TRMT11: variants seen among roughly 807,000 people sequenced by gnomAD.
The protein encoded by TRMT11 is tRNA (guanine(10)-N(2))-methyltransferase TRMT11.
In TRMT11, 53 loss-of-function variants were observed where a neutral mutation model predicts 62.8. The ratio of observed to expected loss-of-function variants is 0.84; its 90% CI spans 0.68 to 1.06. TRMT11 has a LOEUF of 1.06. TRMT11 is among the 50% of genes least tolerant of loss of function. The pLI, the probability that TRMT11 is intolerant of heterozygous loss-of-function variation, is 0.00. For missense variants in TRMT11, 556 were observed against 553.4 expected, an observed-to-expected ratio of 1.00 and a Z score of -0.05; for synonymous variants, 188 against 190.3, an observed-to-expected ratio of 0.99 and a Z score of 0.10.
chr6:126,045,908 G>GT (rs1395317432), intron 16 of TRMT11, among the ~76,000 whole-genome samples: 2 of 151,832 alleles, frequency 1.3e-5, no homozygotes, highest in East Asian at 1.9e-4. Context: ...ATAAAGGATT[G>GT]TTTTTTTTCC....
the TRMT11 span, among the ~76,000 whole-genome samples, chr6:126,268,216 T>C: frequency 6.6e-6 from 1 of 152,138 alleles, no homozygotes; most frequent in Admixed American, 6.5e-5. Context: ...AGAAGAGAGC[T>C]ATCGCCTGGG....
intron 2 of TRMT11, among the ~76,000 whole-genome samples, chr6:126,199,214 T>C (rs1258499751): frequency 6.6e-6 from 1 of 152,192 alleles, no homozygotes; most frequent in Non-Finnish European, 1.5e-5. Context: ...ACTTCTAATA[T>C]GCTCGCAGAA....
intron 21 of TRMT11, among the ~76,000 whole-genome samples, chr6:126,119,251 A>G: frequency 6.6e-6 from 1 of 152,098 alleles, no homozygotes; most frequent in East Asian, 1.9e-4. Flanking sequence ...AGCAGGTCCA[A>G]TTTTCCTTAA....
chr6:126,176,991 T>G (rs1778393665), upstream of TRMT11, among the ~76,000 whole-genome samples: 1 of 151,414 alleles, frequency 6.6e-6, no homozygotes, highest in Non-Finnish European at 1.5e-5. Context: ...TACCTAGACT[T>G]CAACAGATGT....
chr6:126,153,632 G>C (rs992193119), intron 21 of TRMT11, among the ~76,000 whole-genome samples: 5 of 152,148 alleles, frequency 3.3e-5, no homozygotes, highest in African/African-American at 1.2e-4. Flanking sequence ...TTATTTAGCT[G>C]GGTTAATCTC....
intron 1 of TRMT11, among the ~76,000 whole-genome samples, chr6:126,194,342 G>A (rs914586120): frequency 1.3e-5 from 2 of 152,182 alleles, no homozygotes; most frequent in Non-Finnish European, 1.5e-5. Context: ...GGTATTGGAT[G>A]AATACATGTT....
chr6:126,019,632 T>C (rs955221966), intron 11 of TRMT11, among the ~76,000 whole-genome samples: 5 of 152,220 alleles, frequency 3.3e-5, no homozygotes, highest in African/African-American at 7.2e-5. Flanking sequence ...CCAGCATCTA[T>C]AGATCCTACG....
At chr6:126,110,807 T>C (rs766959461) in intron 17 of TRMT11, among the ~76,000 whole-genome samples, 1 of 152,144 alleles carries the variant, frequency 6.6e-6, no homozygotes, top group Non-Finnish European at 1.5e-5. Flanking sequence ...GTATCTATTG[T>C]CATCATGATT....
the TRMT11 span, among the ~76,000 whole-genome samples, chr6:126,251,364 A>T: frequency 3.9e-5 from 6 of 152,158 alleles, no homozygotes; most frequent in Non-Finnish European, 8.8e-5. Flanking sequence ...ACATAAAATT[A>T]TATGTAATTA....
chr6:126,092,441 G>A (rs77475947), intron 17 of TRMT11, among the ~76,000 whole-genome samples: 3,370 of 152,210 alleles, frequency 0.022, 124 homozygotes, highest in African/African-American at 0.075. Context: ...GATCTCATGA[G>A]ACATATGCAC....
At position 126,057,923 on chromosome 6, in the gene TRMT11, C is replaced by T. The variant is rs576088499; in HGVS notation, c.*1437+4733C>T. On this transcript the variant is annotated intron_variant and NMD_transcript_variant, in intron 17 of 22. Coordinates refer to the TRMT11 transcript ENST00000648977. ...AGGATTGGAAGGCTTAGCTAGACAGCTCCATCTCCCCAGTGGTATTTCTTT... is the reference window on the plus strand; with the variant it reads ...AGGATTGGAAGGCTTAGCTAGACAGTTCCATCTCCCCAGTGGTATTTCTTT... Among the ~76,000 whole-genome samples, 7 of 151,936 alleles carry T rather than the reference C, an allele frequency of 4.6e-5. No homozygotes were observed. The South Asian group carries it at 1.5e-3, about 32-fold the overall frequency.
downstream of TRMT11, among the ~76,000 whole-genome samples, chr6:126,040,266 C>G (rs560249751): frequency 6.6e-6 from 1 of 152,104 alleles, no homozygotes. Context: ...AATTATCCAA[C>G]ACTTAAAAAA....
the TRMT11 span, among the ~76,000 whole-genome samples, chr6:126,271,439 T>C: frequency 6.6e-6 from 1 of 151,096 alleles, no homozygotes; most frequent in Non-Finnish European, 1.5e-5. Flanking sequence ...CTATGTGATA[T>C]TTTAATAATT....
chr6:126,184,583 T>C (rs192827675), intron 1 of TRMT11, among the ~76,000 whole-genome samples: 35 of 152,270 alleles, frequency 2.3e-4, no homozygotes, highest in African/African-American at 7.7e-4. Context: ...AGGCTGCCTG[T>C]TTCCCTTGAT....
the TRMT11 span, among the ~76,000 whole-genome samples, chr6:126,267,233 A>G: frequency 6.6e-6 from 1 of 152,202 alleles, no homozygotes; most frequent in Non-Finnish European, 1.5e-5. Context: ...CTTTTATTTC[A>G]TGGTCATTGT....
chr6:126,057,042 A>G (rs1776393850), intron 17 of TRMT11, among the ~76,000 whole-genome samples: 1 of 152,176 alleles, frequency 6.6e-6, no homozygotes, highest in Non-Finnish European at 1.5e-5. Flanking sequence ...CCCTAAGCCT[A>G]TGCCTTTTGT....
chr6:126,041,177 CAA>C (rs1210180971), downstream of TRMT11, among the ~76,000 whole-genome samples: 3 of 152,032 alleles, frequency 2.0e-5, no homozygotes, highest in East Asian at 5.8e-4. Flanking sequence ...TAAGTAAAAA[CAA>C]AACAAAAAAC....
intron 2 of TRMT11, among the ~76,000 whole-genome samples, chr6:125,994,742 T>G (rs1316425240): frequency 6.6e-6 from 1 of 152,106 alleles, no homozygotes; most frequent in Admixed American, 6.5e-5. Flanking sequence ...AATGAAAATG[T>G]ACATATACAC....
chr6:126,110,971 T>G (rs1481186884), intron 17 of TRMT11, among the ~76,000 whole-genome samples: 2 of 152,146 alleles, frequency 1.3e-5, no homozygotes, highest in Non-Finnish European at 2.9e-5. Context: ...TAATGCATTT[T>G]CAGAAAAATT....
Sources: allele counts gnomAD v4.1 joint callset (sites outside exome capture counted in the v4.1 genomes callset), GRCh38; gene constraint gnomAD v4.1.1; transcripts MANE v1.5; gene names NCBI Gene and HGNC (gene_info 2026-07-23, HGNC 2026-07-21).